Variants in FBXW10B observed in about 807,000 individuals in gnomAD.
FBXW10B encodes the protein F-box and WD repeat domain containing protein 10B.
chr17:15,598,451 A>G, the FBXW10B span: 1 of 1,610,296 alleles, frequency 6.2e-7, no homozygotes, highest in Non-Finnish European at 8.5e-7. Flanking sequence ...GCCTGCCTAT[A>G]GAAATGAGCA....
the FBXW10B span, chr17:15,572,878 G>A: frequency 6.6e-6 from 1 of 151,800 alleles, no homozygotes; most frequent in South Asian, 2.1e-4. Context: ...CCAGAAATAA[G>A]TTGTACAAAT....
At chr17:15,567,891 A>G in the FBXW10B span, among the ~76,000 whole-genome samples, 3 of 152,330 alleles carry the variant, frequency 2.0e-5, no homozygotes, top group African/African-American at 7.2e-5. Context: ...CTAATAACAT[A>G]AAAAAGAAAT....
chr17:15,576,106 T>C, the FBXW10B span, among the ~76,000 whole-genome samples: 1 of 152,218 alleles, frequency 6.6e-6, no homozygotes, highest in African/African-American at 2.4e-5. Flanking sequence ...GACAGAGAGA[T>C]GTAGACACCG....
the FBXW10B span, among the ~76,000 whole-genome samples, chr17:15,579,516 T>C: frequency 6.6e-6 from 1 of 151,896 alleles, no homozygotes; most frequent in Non-Finnish European, 1.5e-5. Flanking sequence ...AAATTAAAGT[T>C]AAATTGTCTT....
chr17:15,573,063 G>A, the FBXW10B span: 1 of 152,194 alleles, frequency 6.6e-6, no homozygotes, highest in Admixed American at 6.6e-5. Flanking sequence ...CAAAATTCAG[G>A]CTGGCTACCA....
the FBXW10B span, chr17:15,618,869 C>T: frequency 1.3e-6 from 2 of 1,483,258 alleles, no homozygotes; most frequent in South Asian, 1.4e-5. Context: ...GACGAGGTGT[C>T]AGTTCAAAAA....
the FBXW10B span, among the ~76,000 whole-genome samples, chr17:15,576,240 G>A: frequency 3.3e-5 from 5 of 152,212 alleles, no homozygotes; most frequent in South Asian, 4.2e-4. Flanking sequence ...TCTTAAGGAC[G>A]TCAAGGCCTA....
At chr17:15,571,649 A>G in the FBXW10B span, 2 of 152,190 alleles carry the variant, frequency 1.3e-5, no homozygotes, top group Non-Finnish European at 2.9e-5. Context: ...TTACCATACA[A>G]TCCCATTCCT....
chr17:15,574,035 T>C, the FBXW10B span: 302 of 661,820 alleles, frequency 4.6e-4, 10 homozygotes, highest in South Asian at 4.7e-3. Context: ...AGTCGCCAGG[T>C]GTCTCTCACG....
chr17:15,597,609 G>A, the FBXW10B span, among the ~76,000 whole-genome samples: 2 of 152,078 alleles, frequency 1.3e-5, no homozygotes, highest in South Asian at 2.1e-4. Context: ...CTCCAACCTG[G>A]CCACAGAGCA....
At chr17:15,612,839 A>C in the FBXW10B span, 1 of 1,604,580 alleles carries the variant, frequency 6.2e-7, no homozygotes, top group Non-Finnish European at 8.5e-7. Flanking sequence ...AAAACAAAAA[A>C]AAACCAAAAA....
At chr17:15,601,850 T>C in the FBXW10B span, among the ~76,000 whole-genome samples, 53 of 152,188 alleles carry the variant, frequency 3.5e-4, no homozygotes, top group Middle Eastern at 3.4e-3. Context: ...CGGTGGCTCA[T>C]GCCTGTAATC....
the FBXW10B span, chr17:15,619,241 C>T: frequency 1.4e-5 from 23 of 1,613,916 alleles, 1 homozygote; most frequent in South Asian, 8.8e-5. Context: ...GAGGTCGATC[C>T]GGGACCTGTT....
chr17:15,582,014 AT>A, the FBXW10B span, among the ~76,000 whole-genome samples: 1 of 149,244 alleles, frequency 6.7e-6, no homozygotes, highest in Non-Finnish European at 1.5e-5. Context: ...AAAAGGACTA[AT>A]AAAAAAAACA....
chr17:15,596,438 G>A, the FBXW10B span: 1 of 1,343,878 alleles, frequency 7.4e-7, no homozygotes, highest in Non-Finnish European at 1.0e-6. Context: ...AGGATGACCT[G>A]AGGAGCTAGG....
the FBXW10B span, chr17:15,571,820 G>A: frequency 9.8e-5 from 15 of 152,366 alleles, no homozygotes; most frequent in African/African-American, 3.6e-4. Flanking sequence ...GGTACGTGCA[G>A]TGACACGGGT....
chr17:15,600,720 A>G, the FBXW10B span, among the ~76,000 whole-genome samples: 1 of 152,166 alleles, frequency 6.6e-6, no homozygotes, highest in African/African-American at 2.4e-5. Context: ...AGAAGAAAAG[A>G]AAAACAAAAG....
At chr17:15,572,051 A>C in the FBXW10B span, 26 of 151,232 alleles carry the variant, frequency 1.7e-4, no homozygotes, top group East Asian at 4.9e-3. Context: ...TATATGTTCC[A>C]TATCTTGATT....
At chr17:15,611,304 G>T in the FBXW10B span, among the ~76,000 whole-genome samples, 1 of 152,206 alleles carries the variant, frequency 6.6e-6, no homozygotes, top group African/African-American at 2.4e-5. Flanking sequence ...TTACAGGCGT[G>T]AGCCGCTGCA....
Sources: gnomAD v4.1 joint callset for allele counts (sites outside exome capture counted in the v4.1 genomes callset) on GRCh38, gnomAD v4.1.1 for gene constraint, MANE v1.5 for transcripts, NCBI Gene and HGNC (gene_info 2026-07-23, HGNC 2026-07-21) for gene names.